The following ZNF474 variants were observed in gnomAD, a reference collection of about 807,000 sequenced individuals.
The protein encoded by ZNF474 is zinc finger protein 474, also known as 4933409D10Rik.
For synonymous variants in ZNF474, 192 were observed against 162.2 expected (o/e 1.18, Z -1.39); for missense variants, 511 against 433.8 (o/e 1.18, Z -1.58).
At chr5:122,149,885 C>CTGTGTGTG (rs35051222) in intron 1 of ZNF474, among the ~76,000 whole-genome samples, 8 of 141,588 alleles carry the variant, frequency 5.7e-5, no homozygotes, top group Admixed American at 1.4e-4. Context: ...AGAATTGACT[C>CTGTGTGTG]TGTGTGTGTG....
rs13166609 is a variant in ZNF474, at chr5:122,141,324, T to A, written c.-212-10455T>A. Reference sequence around the variant, plus strand: ...TATTTTTTTTTTTTTTTTTTTTTTTTTGTGAGAGGGAGTCTCCCTCTCTTG... The same window carrying A: ...TATTTTTTTTTTTTTTTTTTTTTTTATGTGAGAGGGAGTCTCCCTCTCTTG... On this transcript the variant is annotated intron_variant, in intron 1 of 1. Coordinates refer to ENST00000296600, the MANE Select transcript of ZNF474 (RefSeq NM_207317.3). 9.4e-3 allele frequency among the ~76,000 whole-genome samples: 897 copies of A among 95,118 alleles called. 8 individuals are homozygous for A. Among genetic ancestry groups the A allele is most frequent in the African/African-American group, 0.027 (842 of 31,690 alleles). 62.4% of individuals were successfully genotyped at this position (95,118 alleles called of 152,430 possible).
Position 122,152,185 on chromosome 5 carries a change from T to G in ZNF474, c.195T>G (p.Thr65=). The change falls in exon 2 of 2, where the codon ACT becomes ACG. Residue 65 remains threonine, a synonymous_variant. Coordinates refer to ENST00000296600, the MANE Select transcript of ZNF474 (RefSeq NM_207317.3). ...ACACTCAGAAAAAGAGACCTGGGACTGTGATACTATCAAAACTGTCAAGTA... is the reference window on the plus strand; with the variant it reads ...ACACTCAGAAAAAGAGACCTGGGACGGTGATACTATCAAAACTGTCAAGTA... The part of the protein sequence containing the change: ...KTDTQKKRPG[T]VILSKLSSRR... 1.9e-6 allele frequency: 3 copies of G among 1,614,162 alleles called. No homozygotes were observed. Among genetic ancestry groups the G allele is most frequent in the Non-Finnish European group, 2.5e-6 (3 of 1,180,032 alleles).
intron 1 of ZNF474, among the ~76,000 whole-genome samples, chr5:122,134,184 G>A (rs1028143317): frequency 1.3e-5 from 2 of 152,290 alleles, no homozygotes; most frequent in East Asian, 1.9e-4. Context: ...TATGGCAATA[G>A]GAATACACTA....
At chr5:122,134,430 A>G in intron 1 of ZNF474, among the ~76,000 whole-genome samples, 1 of 152,226 alleles carries the variant, frequency 6.6e-6, no homozygotes. Context: ...TAATGTTAAA[A>G]TGAAATCTAA....
chr5:122,153,292 A>ATCTCTTCTTCTTTT lies in ZNF474; in HGVS notation c.*207_*208insTCTCTTCTTCTTTT. ...CTTCAATTCTGCTGTCTAAAAGAAGAAGAGATGGACTTCTTTCTTCCCTGA... is the reference window on the plus strand; with the variant it reads ...CTTCAATTCTGCTGTCTAAAAGAAGATCTCTTCTTCTTTTAGAGATGGACTTCTTTCTTCCCTGA... On this transcript the variant is annotated 3_prime_UTR_variant, in exon 2 of 2. Transcript: ENST00000296600. 3.7e-6 allele frequency: 2 copies of ATCTCTTCTTCTTTT among 541,058 alleles called. No homozygotes were observed. The highest frequency in any genetic ancestry group is 3.2e-6 in the Non-Finnish European group (1 of 317,036). 33.5% of individuals were successfully genotyped at this position (541,058 alleles called of 1,614,324 possible).
At chr5:122,151,385 C>T (rs548364286) in intron 1 of ZNF474, among the ~76,000 whole-genome samples, 12 of 152,212 alleles carry the variant, frequency 7.9e-5, no homozygotes, top group East Asian at 1.9e-4. Context: ...GGGGTCTTTT[C>T]GTATGACCTG....
At chr5:122,148,407 G>A (rs763874109) in intron 1 of ZNF474, among the ~76,000 whole-genome samples, 24 of 152,214 alleles carry the variant, frequency 1.6e-4, no homozygotes, top group Admixed American at 9.2e-4. Context: ...ATGTTTCATC[G>A]TGTTTGCTGC....
At chr5:122,141,167 TTTATTTTTG>T (rs1375303216) in intron 1 of ZNF474, among the ~76,000 whole-genome samples, 4,306 of 37,020 alleles carry the variant, frequency 0.12, 513 homozygotes, top group African/African-American at 0.16. Context: ...TTTATTTTAT[TTTATTTTTG>T]GAAACAGTCT....
chr5:122,144,588 C>G (rs1755936787), intron 1 of ZNF474, among the ~76,000 whole-genome samples: 1 of 152,070 alleles, frequency 6.6e-6, no homozygotes, highest in South Asian at 2.1e-4. Flanking sequence ...TTTCTACAGG[C>G]TAAAAGGAAC....
At chr5:122,149,154 C>T (rs1053360885) in intron 1 of ZNF474, among the ~76,000 whole-genome samples, 14 of 152,062 alleles carry the variant, frequency 9.2e-5, no homozygotes, top group African/African-American at 3.1e-4. Context: ...TGAATGCAAG[C>T]GGAGGAAGGG....
chr5:122,151,707 G>GTCTA (rs72138781), intron 1 of ZNF474, 72 bp from the exon 2 acceptor site: 1 of 185,260 alleles, frequency 5.4e-6, no homozygotes, highest in African/African-American at 2.5e-5. Context: ...CAACCTAAAT[G>GTCTA]TGTGTGTGTG....
At chr5:122,132,591 A>C (rs772229994) in intron 1 of ZNF474, among the ~76,000 whole-genome samples, 7 of 151,970 alleles carry the variant, frequency 4.6e-5, no homozygotes, top group Non-Finnish European at 1.0e-4. Flanking sequence ...AGGATCATAG[A>C]TATTCTCTTC....
chr5:122,132,622 C>A (rs1162723381), intron 1 of ZNF474, among the ~76,000 whole-genome samples: 10 of 151,818 alleles, frequency 6.6e-5, no homozygotes, highest in Non-Finnish European at 1.3e-4. Flanking sequence ...ATCATTTTTG[C>A]TTTTATATTT....
rs771602363 is a variant in ZNF474 at position 122,152,754 on chromosome 5, C to G, written c.764C>G (p.Pro255Arg). ...TGGAAAATGGAAAATGACCGGCTCC[C>G]TGTGGAGCTCCACCAGCCACTCCCA... ...EKWKMENDRL[P>R]VELHQPLPQK... Residue 255 changes from proline to arginine, a missense_variant, in exon 2 of 2, where the codon CCT (proline) becomes CGT (arginine). Coordinates refer to ENST00000296600, the MANE Select transcript of ZNF474 (RefSeq NM_207317.3). 1.2e-6 allele frequency: 2 copies of G among 1,614,150 alleles called. No homozygotes were observed. The highest frequency in any genetic ancestry group is 2.2e-5 in the East Asian group (1 of 44,876).
At chr5:122,150,739 A>T (rs990829528) in intron 1 of ZNF474, among the ~76,000 whole-genome samples, 1 of 152,232 alleles carries the variant, frequency 6.6e-6, no homozygotes. Context: ...GATTCTTCCC[A>T]TAAATGGATA....
Position 122,150,258 on chromosome 5 carries a change from A to G in ZNF474, c.-212-1521A>G, listed in dbSNP as rs575547309. Among the ~76,000 whole-genome samples, 25 of 152,262 alleles carry G rather than the reference A, an allele frequency of 1.6e-4. 1 individual carries two copies. The South Asian group carries it at 2.5e-3, about 15-fold the overall frequency. On this transcript the variant is annotated intron_variant, in intron 1 of 1. Coordinates refer to ENST00000296600, the MANE Select transcript of ZNF474 (RefSeq NM_207317.3). Reference sequence around the variant, plus strand: ...GATAAATTTCTCTGTTTTATTTTCTATGCTGGCCACTCTGGGGCCAACACA... The same window carrying G: ...GATAAATTTCTCTGTTTTATTTTCTGTGCTGGCCACTCTGGGGCCAACACA...
chr5:122,136,457 C>T (rs1755703908), intron 1 of ZNF474, among the ~76,000 whole-genome samples: 1 of 152,094 alleles, frequency 6.6e-6, no homozygotes, highest in Non-Finnish European at 1.5e-5. Flanking sequence ...TAGGCAGTGC[C>T]CCCAGCACAA....
intron 1 of ZNF474, among the ~76,000 whole-genome samples, chr5:122,149,304 A>G (rs1019076179): frequency 1.3e-5 from 2 of 152,184 alleles, no homozygotes; most frequent in African/African-American, 4.8e-5. Context: ...TTGAAGAAAA[A>G]AAGTCCCCTG....
At chr5:122,140,553 A>T (rs1755811300) in intron 1 of ZNF474, among the ~76,000 whole-genome samples, 1 of 152,244 alleles carries the variant, frequency 6.6e-6, no homozygotes, top group Non-Finnish European at 1.5e-5. Flanking sequence ...GAGTGGCAAG[A>T]TATATTTTAA....
Sources: allele counts gnomAD v4.1 joint callset (sites outside exome capture counted in the v4.1 genomes callset), GRCh38; gene constraint gnomAD v4.1.1; transcripts MANE v1.5; gene names NCBI Gene and HGNC (gene_info 2026-07-23, HGNC 2026-07-21).